The following EPHA6 variants were observed in gnomAD, a reference collection of about 807,000 sequenced individuals.
EPHA6 encodes EPH receptor A6.
EPHA6 carries 50 observed loss-of-function variants against 112.0 expected under a neutral mutation model. That is an observed-to-expected ratio of 0.45 (90% CI 0.36 to 0.56). The LOEUF (loss-of-function observed/expected upper bound fraction) is 0.56. Ranked by LOEUF, EPHA6 falls within the 20% of genes least tolerant of loss-of-function variation. The probability of loss-of-function intolerance (pLI) is 0.00; values close to 1 mark genes in which losing one functional copy is unlikely to be tolerated. For missense variants in EPHA6, 1,280 were observed against 1,417.4 expected, an observed-to-expected ratio of 0.90 and a Z score of 1.56; for synonymous variants, 529 against 490.7, an observed-to-expected ratio of 1.08 and a Z score of -1.03.
At chr3:96,875,982 G>A (rs1306385331) in intron 2 of EPHA6, among the ~76,000 whole-genome samples, 2 of 150,766 alleles carry the variant, frequency 1.3e-5, no homozygotes, top group Non-Finnish European at 3.0e-5. Context: ...GATTTTATCA[G>A]CAAGTTCTAA....
chr3:97,615,379 G>A (rs1029491726), intron 13 of EPHA6, among the ~76,000 whole-genome samples: 5 of 152,064 alleles, frequency 3.3e-5, no homozygotes, highest in South Asian at 2.1e-4. Flanking sequence ...TGGGGTCCCC[G>A]GCAAATGTGA....
At chr3:97,398,529 G>T (rs965703859) in intron 5 of EPHA6, among the ~76,000 whole-genome samples, 1 of 151,088 alleles carries the variant, frequency 6.6e-6, no homozygotes, top group African/African-American at 2.4e-5. Flanking sequence ...AATTGATTGA[G>T]ATTTAATTAC....
intron 2 of EPHA6, among the ~76,000 whole-genome samples, chr3:96,971,506 A>G (rs1265428066): frequency 1.3e-5 from 2 of 152,084 alleles, no homozygotes; most frequent in African/African-American, 2.4e-5. Flanking sequence ...GCAAAAACAG[A>G]TTTATGTTAT....
chr3:96,860,587 G>A (rs1286412927), intron 1 of EPHA6, among the ~76,000 whole-genome samples: 1 of 152,084 alleles, frequency 6.6e-6, no homozygotes. Context: ...TAAAAGACTA[G>A]TGGGAACATA....
At chr3:97,685,293 A>G (rs1332093202) in intron 14 of EPHA6, among the ~76,000 whole-genome samples, 1 of 152,204 alleles carries the variant, frequency 6.6e-6, no homozygotes, top group Non-Finnish European at 1.5e-5. Flanking sequence ...AGAACCTAAG[A>G]TAAGAATAAG....
chr3:97,009,709 G>A (rs2044011453), intron 3 of EPHA6, among the ~76,000 whole-genome samples: 1 of 152,250 alleles, frequency 6.6e-6, no homozygotes, highest in Non-Finnish European at 1.5e-5. Context: ...GGGTTGGGAA[G>A]CTACGCCCCG....
At chr3:96,843,890 G>GA (rs1028198628) in intron 1 of EPHA6, among the ~76,000 whole-genome samples, 4 of 151,260 alleles carry the variant, frequency 2.6e-5, no homozygotes, top group African/African-American at 9.7e-5. Context: ...TTTATTATTT[G>GA]AAAAAAACCC....
intron 14 of EPHA6, among the ~76,000 whole-genome samples, chr3:97,658,042 T>TA (rs2094147206): frequency 6.6e-6 from 1 of 151,952 alleles, no homozygotes; most frequent in African/African-American, 2.4e-5. Flanking sequence ...AAGGAGTGAA[T>TA]AATGGGAAAT....
At chr3:97,111,867 A>G (rs1248666232) in intron 3 of EPHA6, among the ~76,000 whole-genome samples, 2 of 152,112 alleles carry the variant, frequency 1.3e-5, no homozygotes, top group Non-Finnish European at 2.9e-5. Context: ...TCTCATGCTC[A>G]CCTTGAATGC....
intron 1 of EPHA6, among the ~76,000 whole-genome samples, chr3:96,836,211 C>A (rs527768747): frequency 5.8e-4 from 88 of 152,152 alleles, no homozygotes; most frequent in African/African-American, 2.1e-3. Context: ...AACTATCTGG[C>A]AAAATTATTT....
At chr3:97,137,679 A>C (rs1186210581) in intron 3 of EPHA6, among the ~76,000 whole-genome samples, 1 of 152,118 alleles carries the variant, frequency 6.6e-6, no homozygotes, top group Middle Eastern at 3.2e-3. Context: ...GTTTTGAAAA[A>C]AAATTACAGC....
At chr3:97,069,535 A>T (rs1018844956) in intron 3 of EPHA6, among the ~76,000 whole-genome samples, 1 of 152,168 alleles carries the variant, frequency 6.6e-6, no homozygotes, top group African/African-American at 2.4e-5. Context: ...CAAAAATGTG[A>T]GGAGAAATTT....
intron 5 of EPHA6, among the ~76,000 whole-genome samples, chr3:97,404,103 A>G (rs1252636815): frequency 6.6e-6 from 1 of 152,192 alleles, no homozygotes; most frequent in Non-Finnish European, 1.5e-5. Flanking sequence ...AATCTTTAGA[A>G]ATAAATCTCC....
chr3:97,706,531 A>C (rs2033685760), intron 14 of EPHA6, among the ~76,000 whole-genome samples: 1 of 152,166 alleles, frequency 6.6e-6, no homozygotes, highest in African/African-American at 2.4e-5. Context: ...CCAACTTCAC[A>C]ATCATCAGTT....
chr3:97,076,516 G>A (rs963639692), intron 3 of EPHA6, among the ~76,000 whole-genome samples: 1 of 152,172 alleles, frequency 6.6e-6, no homozygotes, highest in African/African-American at 2.4e-5. Flanking sequence ...GCATAATAAT[G>A]CAAGGTGAAG....
intron 5 of EPHA6, among the ~76,000 whole-genome samples, chr3:97,256,974 A>T (rs1158288841): frequency 6.6e-6 from 1 of 152,044 alleles, no homozygotes; most frequent in African/African-American, 2.4e-5. Flanking sequence ...AGCATAAAAA[A>T]TTTCTGATTA....
chr3:96,896,658 A>C (rs2038285696), intron 2 of EPHA6, among the ~76,000 whole-genome samples: 1 of 152,056 alleles, frequency 6.6e-6, no homozygotes. Flanking sequence ...TGGCTATGTA[A>C]TTTTGATTTT....
At chr3:97,535,640 T>C (rs1485328048) in intron 11 of EPHA6, among the ~76,000 whole-genome samples, 1 of 152,068 alleles carries the variant, frequency 6.6e-6, no homozygotes, top group Non-Finnish European at 1.5e-5. Context: ...AGCTAAGAGA[T>C]AGCTAGCAAT....
rs1169048193 is a variant in EPHA6 at position 97,642,098 on chromosome 3, C to T, written c.2784+4016C>T. ...CAGCACGCAGCTGGAGATCTGAGAA[C>T]GGGCAGACTGCCTCCACAAGTGGGT... On this transcript the variant is annotated intron_variant, in intron 14 of 17. Coordinates refer to ENST00000389672, the MANE Select transcript of EPHA6 (RefSeq NM_001080448.3). Among the ~76,000 whole-genome samples the T allele has an allele frequency of 1.9e-4, 27 of 141,536 alleles. 1 individual carries two copies. Among genetic ancestry groups the T allele is most frequent in the South Asian group, 1.7e-3 (7 of 4,088 alleles). 92.9% of individuals were successfully genotyped at this position (141,536 alleles called of 152,430 possible).
Sources: allele counts gnomAD v4.1 joint callset (sites outside exome capture counted in the v4.1 genomes callset), GRCh38; gene constraint gnomAD v4.1.1; transcripts MANE v1.5; gene names NCBI Gene and HGNC (gene_info 2026-07-23, HGNC 2026-07-21).